The following LTBP1 variants were observed in gnomAD, a reference collection of about 807,000 sequenced individuals.
LTBP1 encodes latent transforming growth factor beta binding protein 1, also known as latent-transforming growth factor beta-binding protein 1.
In LTBP1, 129 loss-of-function variants were observed where a neutral mutation model predicts 207.6. The observed-to-expected ratio is 0.62, with a 90% CI of 0.54 to 0.72. The LOEUF is 0.72. Ranked by LOEUF, LTBP1 falls within the 30% of genes least tolerant of loss-of-function variation. The pLI is 0.00. For synonymous variants in LTBP1, 963 were observed against 833.7 expected (o/e 1.16, Z -2.67); for missense variants, 2,281 against 2,217.2 (o/e 1.03, Z -0.58).
intron 3 of LTBP1, among the ~76,000 whole-genome samples, chr2:33,084,696 A>G (rs2078649806): frequency 6.6e-6 from 1 of 152,340 alleles, no homozygotes; most frequent in South Asian, 2.1e-4. Flanking sequence ...AAACAGGCAC[A>G]CATTGCTTTT....
intron 24 of LTBP1, among the ~76,000 whole-genome samples, chr2:33,315,714 T>A (rs2094260287): frequency 6.6e-6 from 1 of 152,134 alleles, no homozygotes; most frequent in African/African-American, 2.4e-5. Context: ...GGCAGGTGGA[T>A]CACTTGAGAT....
intron 3 of LTBP1, among the ~76,000 whole-genome samples, chr2:33,025,056 A>T (rs995665628): frequency 6.6e-6 from 1 of 152,190 alleles, no homozygotes; most frequent in Non-Finnish European, 1.5e-5. Flanking sequence ...GAGCAGCCTG[A>T]GTGTCCTCAC....
rs564944063 is a variant in LTBP1, at chr2:33,282,611, T to A, written c.3112+2453T>A. Among the ~76,000 whole-genome samples, 4 of 152,316 alleles carry A rather than the reference T, an allele frequency of 2.6e-5. No homozygotes were observed. The East Asian group carries it at 7.7e-4, about 29-fold the overall frequency. ...GACTGCCCAGCCCTAGCTTTGTACTTCTGGTACTCTAAAATACCTTTCAGA... is the reference window on the plus strand; with the variant it reads ...GACTGCCCAGCCCTAGCTTTGTACTACTGGTACTCTAAAATACCTTTCAGA... On this transcript the variant is annotated intron_variant, in intron 19 of 33. Transcript: ENST00000404816.
intron 26 of LTBP1, among the ~76,000 whole-genome samples, chr2:33,349,084 T>A (rs2094743981): frequency 6.6e-6 from 1 of 152,186 alleles, no homozygotes; most frequent in African/African-American, 2.4e-5. Context: ...ATCAGTTATT[T>A]GAAAAAGGTG....
At chr2:33,005,915 A>G (rs921417579) in intron 2 of LTBP1, among the ~76,000 whole-genome samples, 33 of 151,048 alleles carry the variant, frequency 2.2e-4, no homozygotes, top group African/African-American at 7.8e-4. Context: ...GAGTAGCAGC[A>G]TAAAGTGGTA....
intron 24 of LTBP1, among the ~76,000 whole-genome samples, chr2:33,329,542 G>A (rs2094470061): frequency 6.6e-6 from 1 of 152,052 alleles, no homozygotes; most frequent in Admixed American, 6.6e-5. Flanking sequence ...ATTTGGATTT[G>A]TAAGGCCCCT....
chr2:33,240,547 A>G (rs2092275625), intron 9 of LTBP1, among the ~76,000 whole-genome samples: 1 of 151,796 alleles, frequency 6.6e-6, no homozygotes. Flanking sequence ...TGTCTTATTA[A>G]TTTATTAATT....
chr2:33,084,238 T>G (rs1021613041), intron 3 of LTBP1, among the ~76,000 whole-genome samples: 4 of 152,196 alleles, frequency 2.6e-5, no homozygotes, highest in African/African-American at 4.8e-5. Flanking sequence ...GATTTTTTTG[T>G]GTGTGCCCAG....
intron 31 of LTBP1, among the ~76,000 whole-genome samples, chr2:33,374,082 G>A (rs552122233): frequency 6.6e-6 from 1 of 152,332 alleles, no homozygotes; most frequent in East Asian, 1.9e-4. Context: ...CCTTGGAGGT[G>A]TGAAGGAAGA....
chr2:33,294,734 A>G (rs892222823), intron 20 of LTBP1, among the ~76,000 whole-genome samples: 10 of 151,824 alleles, frequency 6.6e-5, no homozygotes, highest in African/African-American at 1.9e-4. Flanking sequence ...ACCCGCCATC[A>G]TGCCCAGCTA....
rs551201004 is a variant in LTBP1, at chr2:33,128,865, T to G, written c.1034-5928T>G. Among the ~76,000 whole-genome samples the G allele has an allele frequency of 1.9e-3, 294 of 152,356 alleles. 1 individual carries two copies. The highest frequency in any genetic ancestry group is 6.0e-3 in the Admixed American group (92 of 15,306). Reference sequence around the variant, plus strand: ...CCTTTCTTCTTGGAGGATGTGTTTCTTCAACTCTCAGTCACAGCATTTCAA... The same window carrying G: ...CCTTTCTTCTTGGAGGATGTGTTTCGTCAACTCTCAGTCACAGCATTTCAA... On this transcript the variant is annotated intron_variant, in intron 4 of 33. Transcript: ENST00000404816.
chr2:33,200,358 A>G (rs968539028), intron 7 of LTBP1, among the ~76,000 whole-genome samples: 2 of 152,242 alleles, frequency 1.3e-5, no homozygotes, highest in Non-Finnish European at 2.9e-5. Context: ...CAAACCTGAG[A>G]AAAACAAGCA....
intron 5 of LTBP1, among the ~76,000 whole-genome samples, chr2:33,174,618 G>A (rs936037784): frequency 1.3e-5 from 2 of 152,034 alleles, no homozygotes; most frequent in African/African-American, 4.8e-5. Flanking sequence ...TCCCCATCAA[G>A]CTACCAATGA....
chr2:32,961,004 C>G (rs943086190), intron 2 of LTBP1, among the ~76,000 whole-genome samples: 1 of 152,144 alleles, frequency 6.6e-6, no homozygotes, highest in Non-Finnish European at 1.5e-5. Flanking sequence ...TACTATAAAA[C>G]ACGAGTGCAT....
intron 24 of LTBP1, among the ~76,000 whole-genome samples, chr2:33,315,898 T>A (rs2094264085): frequency 6.6e-6 from 1 of 152,062 alleles, no homozygotes. Flanking sequence ...GATGGCACCA[T>A]TGCACTCCAG....
chr2:33,242,043 C>T (rs1388333822), intron 9 of LTBP1, among the ~76,000 whole-genome samples: 2 of 152,178 alleles, frequency 1.3e-5, no homozygotes, highest in Non-Finnish European at 2.9e-5. Context: ...AGCAAATATG[C>T]ATTAACTTAT....
At chr2:33,396,323 C>T (rs971913810) in intron 32 of LTBP1, among the ~76,000 whole-genome samples, 6 of 152,072 alleles carry the variant, frequency 3.9e-5, no homozygotes, top group Admixed American at 6.6e-5. Flanking sequence ...CAGGCTCAAG[C>T]GATTCTTCTG....
intron 5 of LTBP1, among the ~76,000 whole-genome samples, chr2:33,138,999 C>T (rs1420391805): frequency 6.6e-6 from 1 of 150,580 alleles, no homozygotes; most frequent in Non-Finnish European, 1.5e-5. Flanking sequence ...GCTGGGACTA[C>T]AGGCGCCCGC....
At chr2:33,204,010 T>C (rs961784230) in intron 7 of LTBP1, among the ~76,000 whole-genome samples, 4 of 152,232 alleles carry the variant, frequency 2.6e-5, no homozygotes, top group African/African-American at 9.6e-5. Flanking sequence ...GGCTCTGTGC[T>C]ATCCCTCAGA....
Sources: allele counts gnomAD v4.1 joint callset (sites outside exome capture counted in the v4.1 genomes callset), GRCh38; gene constraint gnomAD v4.1.1; transcripts MANE v1.5; gene names NCBI Gene and HGNC (gene_info 2026-07-23, HGNC 2026-07-21).